The following PLEKHA7 variants were observed in gnomAD, a reference collection of about 807,000 sequenced individuals.
PLEKHA7 encodes the protein pleckstrin homology domain containing A7.
A neutral mutation model predicts 170.0 loss-of-function variants in PLEKHA7; 104 were observed. The observed-to-expected ratio is 0.61, with a 90% CI of 0.52 to 0.72. The LOEUF is 0.72. PLEKHA7 is among the 30% of genes least tolerant of loss of function. The pLI, the probability that PLEKHA7 is intolerant of heterozygous loss-of-function variation, is 0.00. For synonymous variants in PLEKHA7, 648 were observed against 660.8 expected, an observed-to-expected ratio of 0.98 and a Z score of 0.30; for missense variants, 1,615 against 1,671.7, an observed-to-expected ratio of 0.97 and a Z score of 0.59.
intron 9 of PLEKHA7, among the ~76,000 whole-genome samples, chr11:16,828,803 C>G (rs1238427974): frequency 6.6e-6 from 1 of 152,184 alleles, no homozygotes; most frequent in Non-Finnish European, 1.5e-5. Context: ...CAGGAGTTGA[C>G]TACTCCAGGC....
At chr11:16,798,230 G>A (rs906736489) in intron 17 of PLEKHA7, among the ~76,000 whole-genome samples, 4 of 152,248 alleles carry the variant, frequency 2.6e-5, no homozygotes, top group Non-Finnish European at 5.9e-5. Flanking sequence ...CTAACAGCCT[G>A]CCTGGCCTAG....
chr11:16,982,724 C>T lies in PLEKHA7; in HGVS notation c.221+31265G>A, dbSNP rs939170516. 2.6e-5 allele frequency among the ~76,000 whole-genome samples: 4 copies of T among 151,432 alleles called. No homozygotes were observed. The South Asian group carries it at 6.3e-4, about 24-fold the overall frequency. ...ACCCAGGCACAGGTGGCCCTCCATGCTTTAGCTTGGGTCTACCTCTCTTAC... is the reference window on the plus strand; with the variant it reads ...ACCCAGGCACAGGTGGCCCTCCATGTTTTAGCTTGGGTCTACCTCTCTTAC... On this transcript the variant is annotated intron_variant, in intron 3 of 26. Coordinates refer to ENST00000531066, the MANE Select transcript of PLEKHA7 (RefSeq NM_001329630.2).
At chr11:16,983,495 C>A (rs367836551) in intron 3 of PLEKHA7, among the ~76,000 whole-genome samples, 1 of 152,086 alleles carries the variant, frequency 6.6e-6, no homozygotes, top group Non-Finnish European at 1.5e-5. Flanking sequence ...TGGGGTACAG[C>A]TGTAGCCCCT....
intron 3 of PLEKHA7, among the ~76,000 whole-genome samples, chr11:16,996,380 G>A (rs1182389762): frequency 6.6e-6 from 1 of 152,170 alleles, no homozygotes; most frequent in Non-Finnish European, 1.5e-5. Context: ...TAGACTCTCA[G>A]GGGGGTGGTC....
At position 16,789,858 on chromosome 11, in the gene PLEKHA7, T is replaced by C. The variant is rs145548559; in HGVS notation, c.3073A>G (p.Arg1025Gly). 2.4e-5 allele frequency: 39 copies of C among 1,613,970 alleles called. No individual in the cohort carries two copies. The African/African-American group carries it at 5.2e-4, about 22-fold the overall frequency. The change falls in exon 22 of 27, where the codon AGG (arginine) becomes GGG (glycine). Residue 1025 changes from arginine to glycine, a missense_variant. Arg to Gly is a moderately radical substitution (Grantham distance 125). Coordinates refer to ENST00000531066, the MANE Select transcript of PLEKHA7 (RefSeq NM_001329630.2). This position sits in a 1 kb window ranked among gnomAD's most constrained non-coding sequence, Gnocchi z 4.6. ...GCAATGGTGGACGACTGCTGGAGCC[T>C]TGACGTGGACCCTGAGAGCCCTTAG... ...PGRGLSGSTS[R>G]LQQSSTIAPY...
intron 9 of PLEKHA7, among the ~76,000 whole-genome samples, chr11:16,834,822 A>C (rs929580473): frequency 6.6e-6 from 1 of 152,102 alleles, no homozygotes; most frequent in African/African-American, 2.4e-5. Context: ...TATGGACGTG[A>C]GGCAGAAGAT....
chr11:16,873,956 C>T (rs1855079428), intron 3 of PLEKHA7, among the ~76,000 whole-genome samples: 1 of 152,154 alleles, frequency 6.6e-6, no homozygotes, highest in African/African-American at 2.4e-5. Flanking sequence ...CATGACCCAC[C>T]ACTCCTGGCC....
At position 16,827,582 on chromosome 11, in the gene PLEKHA7, G is replaced by A. The variant is rs559999584; in HGVS notation, c.873-992C>T. 2.6e-5 allele frequency among the ~76,000 whole-genome samples: 4 copies of A among 152,260 alleles called. No homozygotes were observed. The East Asian group carries it at 7.7e-4, about 29-fold the overall frequency. On this transcript the variant is annotated intron_variant, in intron 9 of 26. Coordinates refer to ENST00000531066, the MANE Select transcript of PLEKHA7 (RefSeq NM_001329630.2). ...TACAGGAGGAGCTTTGGTACATGGT[G>A]GAGGGCTCCTCTTTCATGGTCCATC... is the stretch of plus-strand genomic sequence containing the variant.
chr11:16,808,474 A>G (rs1012592776), intron 13 of PLEKHA7, among the ~76,000 whole-genome samples: 3 of 152,198 alleles, frequency 2.0e-5, no homozygotes, highest in Non-Finnish European at 4.4e-5. Context: ...GTGATTCTGA[A>G]GTATGCGGCA....
intron 4 of PLEKHA7, among the ~76,000 whole-genome samples, chr11:16,868,459 G>A (rs1306353886): frequency 6.6e-6 from 1 of 152,160 alleles, no homozygotes; most frequent in Non-Finnish European, 1.5e-5. Flanking sequence ...AGATGTATCT[G>A]TTCACACCAA....
chr11:16,913,809 C>T (rs543836254), intron 3 of PLEKHA7, among the ~76,000 whole-genome samples: 102 of 152,296 alleles, frequency 6.7e-4, no homozygotes, highest in Non-Finnish European at 1.2e-3. Flanking sequence ...CCAAGCTGGC[C>T]TGCAGCCGCC....
intron 3 of PLEKHA7, among the ~76,000 whole-genome samples, chr11:16,940,301 T>G (rs1339640192): frequency 5.8e-5 from 7 of 120,512 alleles, no homozygotes; most frequent in South Asian, 6.0e-4. Flanking sequence ...TTTTTTTTTT[T>G]TTTGAGACAG....
intron 8 of PLEKHA7, among the ~76,000 whole-genome samples, chr11:16,846,686 T>C (rs938092897): frequency 6.6e-6 from 1 of 152,164 alleles, no homozygotes; most frequent in African/African-American, 2.4e-5. Flanking sequence ...TGAAAGAGCA[T>C]TCTGGAAACT....
intron 3 of PLEKHA7, among the ~76,000 whole-genome samples, chr11:16,884,449 A>G (rs1293067199): frequency 6.6e-6 from 1 of 152,200 alleles, no homozygotes; most frequent in Non-Finnish European, 1.5e-5. Flanking sequence ...CCTGGCCAAC[A>G]TGGTGAAACC....
At chr11:16,911,062 G>A (rs944353924) in intron 3 of PLEKHA7, among the ~76,000 whole-genome samples, 2 of 152,148 alleles carry the variant, frequency 1.3e-5, no homozygotes, top group Admixed American at 6.5e-5. Flanking sequence ...CAAATTCCTC[G>A]GTTTTATTCC....
intron 8 of PLEKHA7, among the ~76,000 whole-genome samples, chr11:16,844,681 C>T (rs1337697828): frequency 6.6e-6 from 1 of 152,218 alleles, no homozygotes; most frequent in Non-Finnish European, 1.5e-5. Context: ...ACCTCAAAGA[C>T]ATGATGCCCC....
At chr11:16,945,706 G>C (rs1387167363) in intron 3 of PLEKHA7, among the ~76,000 whole-genome samples, 1 of 152,188 alleles carries the variant, frequency 6.6e-6, no homozygotes, top group Non-Finnish European at 1.5e-5. Context: ...GTGGTGAGGG[G>C]ACATGAGGGG....
intron 3 of PLEKHA7, among the ~76,000 whole-genome samples, chr11:16,983,528 T>C (rs892668914): frequency 1.3e-5 from 2 of 152,018 alleles, no homozygotes; most frequent in South Asian, 2.1e-4. Context: ...AACAACCAGA[T>C]AGGAAAAGCA....
At chr11:16,891,043 G>A (rs1856573458) in intron 3 of PLEKHA7, among the ~76,000 whole-genome samples, 1 of 122,548 alleles carries the variant, frequency 8.2e-6, no homozygotes, top group Admixed American at 8.4e-5. Context: ...TAGTATAGAT[G>A]CAGTGCCACC....
Sources: allele counts gnomAD v4.1 joint callset (sites outside exome capture counted in the v4.1 genomes callset), GRCh38; gene constraint gnomAD v4.1.1; non-coding constraint Gnocchi (gnomAD v3.1); transcripts MANE v1.5; gene names NCBI Gene and HGNC (gene_info 2026-07-23, HGNC 2026-07-21).